Variants in RBM26 observed in about 807,000 individuals in gnomAD.
RBM26 encodes RNA binding motif protein 26, also known as RNA-binding protein 26.
RBM26 carries 30 observed loss-of-function variants against 123.6 expected under a neutral mutation model. That is an observed-to-expected ratio of 0.24 (90% CI 0.18 to 0.33). The LOEUF (loss-of-function observed/expected upper bound fraction) is 0.33. Among genes scored for constraint, RBM26 ranks in the 10% least tolerant of loss-of-function variants. RBM26 has a pLI of 1.00. For missense variants in RBM26, 947 were observed against 1,203.6 expected, an observed-to-expected ratio of 0.79 and a Z score of 3.15; for synonymous variants, 400 against 404.4, an observed-to-expected ratio of 0.99 and a Z score of 0.13.
At chr13:79,328,065 C>T (rs9545069) in intron 20 of RBM26, among the ~76,000 whole-genome samples, 76,714 of 151,862 alleles carry the variant, frequency 0.51, 19,776 homozygotes, top group Middle Eastern at 0.6. Context: ...GAAGACTTAG[C>T]ATTTGAGGAA....
intron 20 of RBM26, among the ~76,000 whole-genome samples, chr13:79,324,474 C>T (rs548821849): frequency 6.6e-6 from 1 of 151,656 alleles, no homozygotes; most frequent in South Asian, 2.1e-4. Flanking sequence ...CACAATCTGG[C>T]CTGCTTGTAT....
intron 1 of RBM26, among the ~76,000 whole-genome samples, chr13:79,394,093 C>T (rs2078343009): frequency 6.6e-6 from 1 of 152,174 alleles, no homozygotes; most frequent in South Asian, 2.1e-4. Context: ...CAGATATCCC[C>T]TGAGATTTGT....
At chr13:79,320,742 C>CAAA (rs34668220) in intron 21 of RBM26, 32 bp from the exon 22 acceptor site, 670 of 1,085,466 alleles carry the variant, frequency 6.2e-4, no homozygotes, top group South Asian at 1.4e-3. Flanking sequence ...GGAATTTACC[C>CAAA]AAAAAAAAAA....
chr13:79,358,630 G>A (rs895403822), intron 10 of RBM26, among the ~76,000 whole-genome samples, 197 bp from the exon 11 acceptor site: 1 of 152,062 alleles, frequency 6.6e-6, no homozygotes, highest in African/African-American at 2.4e-5. Flanking sequence ...ATCTTTCATG[G>A]AAGCCAACTG....
chr13:79,403,486 C>T (rs1378592220), intron 1 of RBM26, among the ~76,000 whole-genome samples: 3 of 152,138 alleles, frequency 2.0e-5, no homozygotes, highest in Non-Finnish European at 4.4e-5. Flanking sequence ...GGCAGTAAAT[C>T]TAATATGAAA....
intron 17 of RBM26, among the ~76,000 whole-genome samples, chr13:79,342,182 C>T (rs1392621134): frequency 6.6e-6 from 1 of 151,738 alleles, no homozygotes; most frequent in East Asian, 1.9e-4. Context: ...TACATATATA[C>T]ATACAGACAC....
intron 1 of RBM26, among the ~76,000 whole-genome samples, chr13:79,393,458 G>A (rs952768980): frequency 7.9e-5 from 12 of 152,068 alleles, no homozygotes; most frequent in African/African-American, 1.7e-4. Flanking sequence ...ATGTCTCCTC[G>A]GTCGAATTCT....
rs1485382691 is a variant in RBM26, at chr13:79,371,185, T to C, written c.417-23A>G. On this transcript the variant is annotated intron_variant, in intron 4 of 21. Transcript: ENST00000438737. ...CTTCTAAAGAAATATGTGATCACTT[T>C]AATACAAATAATTTTTAAGTGACAC... The C allele has an allele frequency of 5.8e-6, 9 of 1,553,598 alleles. No individual in the cohort carries two copies. The East Asian group carries it at 2.0e-4, about 35-fold the overall frequency.
intron 20 of RBM26, among the ~76,000 whole-genome samples, chr13:79,329,863 C>T (rs539229690): frequency 1.3e-5 from 2 of 152,054 alleles, no homozygotes; most frequent in South Asian, 2.1e-4. Context: ...TTTTTTAAGG[C>T]TCTATCATTC....
chr13:79,356,385 C>CAAAAAAAAAAAAAAAAAAAAAA (rs1290686538), intron 11 of RBM26, among the ~76,000 whole-genome samples: 1 of 12,394 alleles, frequency 8.1e-5, no homozygotes. Context: ...AAAAAAAAAA[C>CAAAAAAAAAAAAAAAAAAAAAA]AAACAAAAAA....
At chr13:79,381,525 T>C (rs937039221) in intron 1 of RBM26, among the ~76,000 whole-genome samples, 1 of 152,078 alleles carries the variant, frequency 6.6e-6, no homozygotes, top group African/African-American at 2.4e-5. Context: ...GTTTGATTGT[T>C]GTGGTGAATT....
At chr13:79,358,558 G>A in intron 10 of RBM26, 125 bp from the exon 11 acceptor site, 1 of 730,890 alleles carries the variant, frequency 1.4e-6, no homozygotes, top group Non-Finnish European at 2.2e-6. Context: ...TGAAATTACT[G>A]GTTGATAAAG....
At chr13:79,343,775 T>C (rs2071826402) in intron 16 of RBM26, among the ~76,000 whole-genome samples, 1 of 151,956 alleles carries the variant, frequency 6.6e-6, no homozygotes, top group Admixed American at 6.6e-5. Context: ...TTTTACTTTT[T>C]TCTTTGTACT....
At chr13:79,338,269 C>T (rs149172413) in intron 18 of RBM26, among the ~76,000 whole-genome samples, 15 of 152,258 alleles carry the variant, frequency 9.9e-5, no homozygotes, top group African/African-American at 3.4e-4. Flanking sequence ...TGACTCAAAA[C>T]GTGAAGAAAT....
In RBM26 at chr13:79,387,081, A is replaced by G. The variant is rs76712919; in HGVS notation, c.72-8174T>C. 3.4e-3 allele frequency among the ~76,000 whole-genome samples: 515 copies of G among 152,236 alleles called. 1 individual carries two copies. The highest frequency in any genetic ancestry group is 0.012 in the African/African-American group (500 of 41,532). Reference sequence around the variant, plus strand: ...GATACGGTTACCACAGTCATGCCAAAATTTATCTTTAAAAATGAGAAATTA... The same window carrying G: ...GATACGGTTACCACAGTCATGCCAAGATTTATCTTTAAAAATGAGAAATTA... On this transcript the variant is annotated intron_variant, in intron 1 of 21. Coordinates refer to ENST00000438737, the MANE Select transcript of RBM26 (RefSeq NM_001366735.2).
At chr13:79,375,793 A>G (rs1033688975) in intron 3 of RBM26, among the ~76,000 whole-genome samples, 2 of 151,732 alleles carry the variant, frequency 1.3e-5, no homozygotes, top group Non-Finnish European at 2.9e-5. Context: ...ATATTATAAT[A>G]TATATTTTAT....
chr13:79,377,332 C>T (rs1272757541), intron 3 of RBM26, 47 bp downstream of exon 3: 1 of 1,539,066 alleles, frequency 6.5e-7, no homozygotes, highest in South Asian at 1.1e-5. Context: ...TTGGTTATTC[C>T]TCTTATGTGT....
At chr13:79,318,057 C>T (rs1448019127), downstream of RBM26, among the ~76,000 whole-genome samples, 2 of 151,374 alleles carry the variant, frequency 1.3e-5, no homozygotes, top group African/African-American at 2.4e-5. Flanking sequence ...AATTATATTA[C>T]AATGTAAGTA....
intron 1 of RBM26, among the ~76,000 whole-genome samples, chr13:79,401,066 G>A (rs1237987115): frequency 5.3e-5 from 8 of 152,064 alleles, no homozygotes; most frequent in African/African-American, 1.9e-4. Context: ...GCCAAAAGAA[G>A]CCAACTGAAA....
Sources: gnomAD v4.1 joint callset for allele counts (sites outside exome capture counted in the v4.1 genomes callset) on GRCh38, gnomAD v4.1.1 for gene constraint, MANE v1.5 for transcripts, NCBI Gene and HGNC (gene_info 2026-07-23, HGNC 2026-07-21) for gene names.